EXOC4: variants seen among roughly 807,000 people sequenced by gnomAD.
EXOC4 encodes exocyst complex component 4.
Under a neutral mutation model 107.2 loss-of-function variants are expected in EXOC4, and 71 were observed. The ratio of observed to expected loss-of-function variants is 0.66; its 90% confidence interval spans 0.55 to 0.81. The LOEUF (loss-of-function observed/expected upper bound fraction) is 0.81. Ranked by LOEUF, EXOC4 falls within the 30% of genes least tolerant of loss-of-function variation. The pLI is 0.00. For synonymous variants in EXOC4, 456 were observed against 441.2 expected (o/e 1.03, Z -0.42); for missense variants, 1,108 against 1,189.6 (o/e 0.93, Z 1.01).
the EXOC4 span, among the ~76,000 whole-genome samples, chr7:134,100,250 CCACAAGCCT>C: frequency 5.2e-5 from 7 of 134,276 alleles, no homozygotes; most frequent in Admixed American, 8.1e-5. Context: ...AGTTCTGCTG[CCACAAGCCT>C]AGGAACCATT....
intron 9 of EXOC4, among the ~76,000 whole-genome samples, chr7:133,581,757 C>CAA (rs71162005): frequency 1.1e-3 from 87 of 82,772 alleles, no homozygotes; most frequent in East Asian, 2.2e-3. Flanking sequence ...GACTCCGTCT[C>CAA]AAAAAAAAAA....
intron 9 of EXOC4, among the ~76,000 whole-genome samples, chr7:133,606,735 C>G (rs769702404): frequency 2.0e-5 from 3 of 151,818 alleles, no homozygotes; most frequent in African/African-American, 4.8e-5. Flanking sequence ...AGGCTAGTCT[C>G]GAACTCCCGA....
At chr7:133,714,476 T>G (rs1794959689) in intron 10 of EXOC4, among the ~76,000 whole-genome samples, 1 of 152,250 alleles carries the variant, frequency 6.6e-6, no homozygotes, top group Non-Finnish European at 1.5e-5. Flanking sequence ...TCCTGATCTT[T>G]AGAACTCAAA....
At chr7:133,307,246 T>C (rs982342103) in intron 4 of EXOC4, among the ~76,000 whole-genome samples, 2 of 152,190 alleles carry the variant, frequency 1.3e-5, no homozygotes, top group East Asian at 3.9e-4. Flanking sequence ...TTTCAGCAGA[T>C]AGGCACTAGA....
At chr7:133,694,421 G>A (rs1257143761) in intron 10 of EXOC4, among the ~76,000 whole-genome samples, 1 of 152,100 alleles carries the variant, frequency 6.6e-6, no homozygotes, top group African/African-American at 2.4e-5. Context: ...CAGAAGATGA[G>A]AGAATGTGAC....
At chr7:133,684,715 C>A (rs1246914506) in intron 10 of EXOC4, among the ~76,000 whole-genome samples, 1 of 152,102 alleles carries the variant, frequency 6.6e-6, no homozygotes, top group Non-Finnish European at 1.5e-5. Flanking sequence ...AGTAAGCGGT[C>A]TCCTGGGCAT....
intron 10 of EXOC4, among the ~76,000 whole-genome samples, chr7:133,664,833 T>A (rs1793776041): frequency 6.6e-6 from 1 of 152,116 alleles, no homozygotes; most frequent in South Asian, 2.1e-4. Flanking sequence ...TTTCCCTGTT[T>A]TTGGTAAGGT....
chr7:133,654,538 T>C (rs1165012110), intron 10 of EXOC4, among the ~76,000 whole-genome samples: 1 of 152,200 alleles, frequency 6.6e-6, no homozygotes, highest in East Asian at 1.9e-4. Flanking sequence ...TTAGAGGATC[T>C]GAGGGGCCTT....
At chr7:133,990,583 G>A (rs1472648341) in intron 14 of EXOC4, among the ~76,000 whole-genome samples, 1 of 152,096 alleles carries the variant, frequency 6.6e-6, no homozygotes, top group African/African-American at 2.4e-5. Context: ...AGCCTCCTGA[G>A]TAGCTAGGAT....
At position 133,322,026 on chromosome 7, in the gene EXOC4, A is replaced by C. The variant is rs1434338880; in HGVS notation, c.763+4636A>C. On this transcript the variant is annotated intron_variant, in intron 5 of 17. Transcript: ENST00000253861. The stretch of plus-strand genomic sequence containing the variant: ...GCTGCATAAATGTCTTCTTTTGAGA[A>C]GTGTCTGTTCATATCCTTCACCCAC... Among the ~76,000 whole-genome samples the C allele has an allele frequency of 2.6e-5, 4 of 152,206 alleles. No individual in the cohort carries two copies. The East Asian group carries it at 7.7e-4, about 29-fold the overall frequency.
At chr7:133,873,319 A>G (rs1326239164) in intron 11 of EXOC4, among the ~76,000 whole-genome samples, 1 of 152,198 alleles carries the variant, frequency 6.6e-6, no homozygotes. Context: ...GTTTTTCGGC[A>G]TATGTCTCAT....
intron 11 of EXOC4, among the ~76,000 whole-genome samples, chr7:133,827,115 C>T (rs1185596049): frequency 6.6e-6 from 1 of 152,208 alleles, no homozygotes; most frequent in Admixed American, 6.5e-5. Context: ...CTCATCCACA[C>T]ATTTCCTTCA....
intron 9 of EXOC4, among the ~76,000 whole-genome samples, chr7:133,622,547 A>G (rs2151007519): frequency 6.6e-6 from 1 of 152,194 alleles, no homozygotes; most frequent in South Asian, 2.1e-4. Flanking sequence ...AGAGGAGAGT[A>G]TTTCTAGCTT....
chr7:133,495,070 G>A (rs1214105339), intron 9 of EXOC4, among the ~76,000 whole-genome samples: 3 of 152,038 alleles, frequency 2.0e-5, no homozygotes, highest in East Asian at 3.9e-4. Context: ...TCAGGAGTTC[G>A]AGACCAACCT....
intron 11 of EXOC4, among the ~76,000 whole-genome samples, chr7:133,826,599 T>A (rs1398605382): frequency 6.6e-6 from 1 of 152,178 alleles, no homozygotes; most frequent in Admixed American, 6.5e-5. Context: ...TTGATCTGTT[T>A]CATAATTATT....
chr7:133,567,422 G>C (rs1459467064), intron 9 of EXOC4, among the ~76,000 whole-genome samples: 2 of 151,706 alleles, frequency 1.3e-5, no homozygotes, highest in Non-Finnish European at 2.9e-5. Flanking sequence ...TATATAACCA[G>C]TCCTGTGTTG....
intron 3 of EXOC4, among the ~76,000 whole-genome samples, chr7:133,289,662 A>G (rs1263325551): frequency 1.3e-5 from 2 of 152,216 alleles, no homozygotes; most frequent in Non-Finnish European, 2.9e-5. Flanking sequence ...TGAATTGCTG[A>G]AAGTTCCCAG....
chr7:133,356,547 G>A lies in EXOC4; in HGVS notation c.981G>A (p.Glu327=). 1 of 1,614,010 alleles carries A rather than the reference G, an allele frequency of 6.2e-7. No individual in the cohort carries two copies. Among genetic ancestry groups the A allele is most frequent in the Non-Finnish European group, 8.5e-7 (1 of 1,179,922 alleles). The part of the protein sequence containing the change: ...QVADSGYQRG[E]NVTVENQPRL... Reference sequence around the variant, plus strand: ...CAGACAGTGGCTATCAGCGGGGGGAGAACGTTACTGTGGAGAACCAACCAA... The same window carrying A: ...CAGACAGTGGCTATCAGCGGGGGGAAAACGTTACTGTGGAGAACCAACCAA... The change falls in exon 6 of 18, where the codon GAG becomes GAA. Residue 327 remains glutamate, a synonymous_variant. Transcript: ENST00000253861.
Position 133,575,989 on chromosome 7 carries a change from T to C in EXOC4, c.1418-54056T>C, listed in dbSNP as rs150227446. 4.5e-4 allele frequency among the ~76,000 whole-genome samples: 68 copies of C among 152,308 alleles called. No homozygotes were observed. In the East Asian group the frequency reaches 0.013, roughly 28 times the overall value. ...TGCTGACAGATGGGCACAGTGAATA[T>C]TGAAAGTGTTCTGGACCTCCGCTTA... On this transcript the variant is annotated intron_variant, in intron 9 of 17. Coordinates refer to ENST00000253861, the MANE Select transcript of EXOC4 (RefSeq NM_021807.4).
Sources: gnomAD v4.1 joint callset for allele counts (sites outside exome capture counted in the v4.1 genomes callset) on GRCh38, gnomAD v4.1.1 for gene constraint, MANE v1.5 for transcripts, NCBI Gene and HGNC (gene_info 2026-07-23, HGNC 2026-07-21) for gene names.